STPG2: variants seen among roughly 807,000 people sequenced by gnomAD.
STPG2 encodes the protein sperm tail PG-rich repeat containing 2.
STPG2 carries 56 observed loss-of-function variants against 54.2 expected under a neutral mutation model. The observed-to-expected ratio is 1.03, with a 90% CI of 0.83 to 1.29. The LOEUF (loss-of-function observed/expected upper bound fraction) is 1.29. STPG2 is among the 50% of genes most tolerant of loss of function. The probability of loss-of-function intolerance (pLI) is 0.00; values close to 1 mark genes in which losing one functional copy is unlikely to be tolerated. For synonymous variants in STPG2, 200 were observed against 181.8 expected (o/e 1.10, Z -0.81); for missense variants, 596 against 544.9 (o/e 1.09, Z -0.93).
chr4:97,683,001 T>C (rs1723079307), intron 10 of STPG2, among the ~76,000 whole-genome samples: 1 of 151,858 alleles, frequency 6.6e-6, no homozygotes, highest in Non-Finnish European at 1.5e-5. Context: ...TGTAGAAATG[T>C]ATTGGGTCAG....
At chr4:97,516,726 G>A (rs939141181) in intron 4 of STPG2, among the ~76,000 whole-genome samples, 1 of 151,442 alleles carries the variant, frequency 6.6e-6, no homozygotes, top group Non-Finnish European at 1.5e-5. Flanking sequence ...TACTCCGGAG[G>A]CTAAGGCAGG....
chr4:97,542,798 T>C (rs60293690), intron 4 of STPG2, among the ~76,000 whole-genome samples: 1 of 152,012 alleles, frequency 6.6e-6, no homozygotes, highest in East Asian at 1.9e-4. Flanking sequence ...CCATAAAAAA[T>C]GATGAGTTCA....
intron 8 of STPG2, among the ~76,000 whole-genome samples, chr4:97,848,088 C>T (rs956319028): frequency 1.6e-4 from 24 of 152,108 alleles, no homozygotes; most frequent in Non-Finnish European, 2.4e-4. Context: ...ATCCCCAGTG[C>T]CTATGGGAAA....
chr4:98,045,505 C>T (rs1258452312), intron 5 of STPG2, among the ~76,000 whole-genome samples: 4 of 152,068 alleles, frequency 2.6e-5, no homozygotes, highest in Non-Finnish European at 5.9e-5. Context: ...AAACAATTCC[C>T]TTTGGCATTT....
intron 8 of STPG2, among the ~76,000 whole-genome samples, chr4:97,914,831 T>C (rs2149203314): frequency 1.3e-5 from 2 of 152,326 alleles, no homozygotes; most frequent in South Asian, 4.1e-4. Flanking sequence ...CGTTTCCCAT[T>C]TCAGATTTGG....
At chr4:98,101,544 G>GT (rs1243737550) in intron 5 of STPG2, among the ~76,000 whole-genome samples, 1 of 152,072 alleles carries the variant, frequency 6.6e-6, no homozygotes, top group Non-Finnish European at 1.5e-5. Flanking sequence ...CATTTTCTAG[G>GT]TAGCAGCCAG....
chr4:97,816,909 CACAT>C (rs1727933350), intron 9 of STPG2, among the ~76,000 whole-genome samples: 1 of 148,140 alleles, frequency 6.8e-6, no homozygotes, highest in African/African-American at 2.5e-5. Flanking sequence ...CTCATATATG[CACAT>C]ACATAAATAT....
chr4:97,493,955 T>TG (rs1199545816), intron 4 of STPG2, among the ~76,000 whole-genome samples: 2 of 151,482 alleles, frequency 1.3e-5, no homozygotes, highest in African/African-American at 4.8e-5. Context: ...TTAAACAGAT[T>TG]TAACAAGGTG....
chr4:97,849,408 A>G (rs1161972122), intron 8 of STPG2, among the ~76,000 whole-genome samples: 1 of 151,954 alleles, frequency 6.6e-6, no homozygotes, highest in African/African-American at 2.4e-5. Flanking sequence ...ACAAAAGCCA[A>G]AATTGACAAA....
At chr4:97,511,144 A>C (rs1031506873) in intron 4 of STPG2, among the ~76,000 whole-genome samples, 4 of 152,250 alleles carry the variant, frequency 2.6e-5, no homozygotes, top group Non-Finnish European at 5.9e-5. Context: ...AGTACTAAAA[A>C]CTATAATCAA....
At chr4:97,539,064 A>G (rs1315636729) in intron 4 of STPG2, among the ~76,000 whole-genome samples, 1 of 152,192 alleles carries the variant, frequency 6.6e-6, no homozygotes, top group Non-Finnish European at 1.5e-5. Context: ...GAAAGGAAAA[A>G]CTGGTACCAG....
chr4:97,863,502 C>T (rs534251056), intron 8 of STPG2, among the ~76,000 whole-genome samples: 13 of 152,112 alleles, frequency 8.5e-5, no homozygotes, highest in Admixed American at 2.6e-4. Flanking sequence ...GATTCATAGC[C>T]GAATTCTACC....
chr4:97,826,199 C>T (rs112551468), intron 9 of STPG2, among the ~76,000 whole-genome samples: 3,097 of 152,210 alleles, frequency 0.02, 100 homozygotes, highest in African/African-American at 0.071. Flanking sequence ...CAGTGTAACA[C>T]GTAGTTGAGA....
At chr4:97,722,006 T>G (rs1194679278) in intron 9 of STPG2, among the ~76,000 whole-genome samples, 1 of 151,722 alleles carries the variant, frequency 6.6e-6, no homozygotes, top group Non-Finnish European at 1.5e-5. Flanking sequence ...AAATTTTTTA[T>G]TAAGAAAATT....
chr4:97,929,345 A>C (rs893460793), intron 8 of STPG2, among the ~76,000 whole-genome samples: 2 of 152,174 alleles, frequency 1.3e-5, no homozygotes, highest in African/African-American at 2.4e-5. Flanking sequence ...ATTTGCATGC[A>C]TGTGTCTTTA....
chr4:97,871,932 AAAT>A (rs1165689940), intron 8 of STPG2, among the ~76,000 whole-genome samples: 1 of 151,180 alleles, frequency 6.6e-6, no homozygotes, highest in African/African-American at 2.4e-5. Flanking sequence ...AACATTAAGA[AAAT>A]AATAAACCAT....
intron 10 of STPG2, among the ~76,000 whole-genome samples, chr4:97,585,072 T>TCAAAAAAAAA: frequency 4.5e-5 from 1 of 21,994 alleles, no homozygotes; most frequent in African/African-American, 1.4e-4. Context: ...CCCCTAATAC[T>TCAAAAAAAAA]AAAACCAGGA....
intron 5 of STPG2, among the ~76,000 whole-genome samples, chr4:98,078,543 G>T (rs572650416): frequency 1.3e-5 from 2 of 150,914 alleles, no homozygotes; most frequent in East Asian, 3.9e-4. Context: ...GACCCTGAAC[G>T]TTAATGAACA....
intron 8 of STPG2, among the ~76,000 whole-genome samples, chr4:97,846,623 C>CAAAA (rs540016952): frequency 7.3e-5 from 5 of 68,346 alleles, no homozygotes; most frequent in African/African-American, 1.1e-4. Flanking sequence ...GACTCCACCT[C>CAAAA]AAAAAAAAAA....
Sources: allele counts gnomAD v4.1 joint callset (sites outside exome capture counted in the v4.1 genomes callset), GRCh38; gene constraint gnomAD v4.1.1; transcripts MANE v1.5; gene names NCBI Gene and HGNC (gene_info 2026-07-23, HGNC 2026-07-21).